Variants in UQCC1 observed in about 807,000 individuals in gnomAD.
The protein encoded by UQCC1 is bFGF-repressed Zic-binding protein.
A neutral mutation model predicts 48.0 loss-of-function variants in UQCC1; 38 were observed. The observed-to-expected ratio is 0.79, with a 90% CI of 0.61 to 1.04. The LOEUF (loss-of-function observed/expected upper bound fraction) is 1.04. Among genes scored for constraint, UQCC1 ranks in the 50% least tolerant of loss-of-function variants. The pLI is 0.00. For missense variants in UQCC1, 368 were observed against 381.8 expected (o/e 0.96, Z 0.30); for synonymous variants, 111 against 129.2 (o/e 0.86, Z 0.95).
intron 4 of UQCC1, among the ~76,000 whole-genome samples, chr20:35,378,587 G>A (rs1473738796): frequency 1.3e-5 from 2 of 152,120 alleles, no homozygotes; most frequent in African/African-American, 2.4e-5. Flanking sequence ...CCGAGATCGC[G>A]CCACTGCACT....
chr20:35,403,918 G>C (rs1476448744), intron 1 of UQCC1, among the ~76,000 whole-genome samples: 1 of 152,082 alleles, frequency 6.6e-6, no homozygotes, highest in Non-Finnish European at 1.5e-5. Context: ...TCGTGGGGTG[G>C]GGGGAGCGGG....
chr20:35,337,381 G>A (rs1026634572), intron 7 of UQCC1, among the ~76,000 whole-genome samples: 2 of 152,050 alleles, frequency 1.3e-5, no homozygotes, highest in Non-Finnish European at 2.9e-5. Flanking sequence ...TAGAGATGGG[G>A]TTTCACCATG....
At chr20:35,347,297 G>A (rs750191599) in intron 6 of UQCC1, 25 bp from the exon 7 acceptor site, 1 of 1,611,344 alleles carries the variant, frequency 6.2e-7, no homozygotes, top group Non-Finnish European at 8.5e-7. Flanking sequence ...GACAAAAAAA[G>A]TCTTGGCTGT....
intron 2 of UQCC1, chr20:35,392,319 G>A (rs1479728296): frequency 2.3e-6 from 3 of 1,297,294 alleles, no homozygotes; most frequent in African/African-American, 3.0e-5. Context: ...CAGTCGATAC[G>A]ACAAAAGGTC....
chr20:35,405,483 A>G (rs1023221578), intron 1 of UQCC1, among the ~76,000 whole-genome samples: 2 of 152,110 alleles, frequency 1.3e-5, no homozygotes, highest in Non-Finnish European at 2.9e-5. Context: ...ACACAGGGGG[A>G]AAAAATGCAA....
intron 6 of UQCC1, among the ~76,000 whole-genome samples, chr20:35,350,092 CA>C (rs113953297): frequency 4.9e-4 from 74 of 152,248 alleles, no homozygotes; most frequent in African/African-American, 1.6e-3. Context: ...CATTGAACAG[CA>C]AAATTAAAAG....
At position 35,337,425 on chromosome 20, in the gene UQCC1, G is replaced by A. The variant is rs1361384498; in HGVS notation, c.573+9739C>T. ...GCTGGTCTCAAACCCCTGACCTCAT[G>A]ATCCACTCGCCTCGGCCTCCCAAAG... is the stretch of plus-strand genomic sequence containing the variant. On this transcript the variant is annotated intron_variant, in intron 7 of 9. Coordinates refer to ENST00000374385, the MANE Select transcript of UQCC1 (RefSeq NM_018244.5). Among the ~76,000 whole-genome samples the A allele has an allele frequency of 2.0e-5, 3 of 152,236 alleles. No homozygotes were observed. The East Asian group carries it at 5.8e-4, about 29-fold the overall frequency.
At chr20:35,381,858 A>G (rs985536197) in intron 4 of UQCC1, 60 bp downstream of exon 4, 11 of 993,320 alleles carry the variant, frequency 1.1e-5, no homozygotes, top group African/African-American at 1.6e-5. Flanking sequence ...TAAAAAATCT[A>G]TTAGGAGCAG....
intron 7 of UQCC1, among the ~76,000 whole-genome samples, chr20:35,324,283 A>G (rs1204998101): frequency 6.6e-6 from 1 of 152,134 alleles, no homozygotes; most frequent in Non-Finnish European, 1.5e-5. Flanking sequence ...CAGCCTCCCA[A>G]GTAGCTGGGA....
intron 2 of UQCC1, among the ~76,000 whole-genome samples, chr20:35,392,697 G>A (rs2062027574): frequency 6.6e-6 from 1 of 152,090 alleles, no homozygotes; most frequent in Non-Finnish European, 1.5e-5. Context: ...ACTACTCTGT[G>A]CCAGGCATAG....
At position 35,318,023 on chromosome 20, in the gene UQCC1, T is replaced by C. The variant is rs569314295; in HGVS notation, c.574-3258A>G. Among the ~76,000 whole-genome samples the C allele has an allele frequency of 2.0e-5, 3 of 152,340 alleles. No individual in the cohort carries two copies. The East Asian group carries it at 5.8e-4, about 29-fold the overall frequency. On this transcript the variant is annotated intron_variant, in intron 7 of 9. Coordinates refer to ENST00000374385, the MANE Select transcript of UQCC1 (RefSeq NM_018244.5). ...AACTCAGACCTCCTGATACCCATAC[T>C]TGGAGGATCTCCCTACTCCCACATG... is the stretch of plus-strand genomic sequence containing the variant.
intron 6 of UQCC1, among the ~76,000 whole-genome samples, chr20:35,365,589 G>A (rs930307405): frequency 1.3e-4 from 20 of 151,320 alleles, no homozygotes; most frequent in African/African-American, 1.9e-4. Context: ...CCTGGGAGAC[G>A]GAGGTTGTAG....
intron 7 of UQCC1, among the ~76,000 whole-genome samples, chr20:35,324,540 A>C (rs1268065364): frequency 6.6e-6 from 1 of 152,036 alleles, no homozygotes; most frequent in Non-Finnish European, 1.5e-5. Context: ...GTTAGCCAGG[A>C]TGGTCTCGAT....
chr20:35,402,455 G>A (rs1032794044), intron 1 of UQCC1, among the ~76,000 whole-genome samples: 10 of 152,020 alleles, frequency 6.6e-5, no homozygotes, highest in Admixed American at 6.6e-4. Context: ...GTGGGCGCCT[G>A]TAGTCCCAGC....
intron 1 of UQCC1, among the ~76,000 whole-genome samples, chr20:35,408,267 A>C (rs1331121024): frequency 6.6e-6 from 1 of 151,972 alleles, no homozygotes; most frequent in Admixed American, 6.6e-5. Context: ...CCTCTCTACT[A>C]AAAATTTAAA....
intron 2 of UQCC1, among the ~76,000 whole-genome samples, chr20:35,393,211 A>C (rs755577261): frequency 2.0e-5 from 3 of 152,166 alleles, no homozygotes; most frequent in Admixed American, 6.6e-5. Context: ...CTTCCTAGGA[A>C]TTATTAATAA....
At chr20:35,337,963 C>G (rs372507362) in intron 7 of UQCC1, among the ~76,000 whole-genome samples, 1 of 151,714 alleles carries the variant, frequency 6.6e-6, no homozygotes, top group Non-Finnish European at 1.5e-5. Context: ...CAGTATAATA[C>G]CGCCTTTGTT....
chr20:35,397,842 T>C (rs1382247998), intron 1 of UQCC1, among the ~76,000 whole-genome samples: 3 of 152,200 alleles, frequency 2.0e-5, no homozygotes, highest in Admixed American at 2.0e-4. Flanking sequence ...TAGTTTAAAT[T>C]CAGCTACTCT....
chr20:35,411,052 A>C (rs890433396), intron 1 of UQCC1, among the ~76,000 whole-genome samples: 1 of 152,176 alleles, frequency 6.6e-6, no homozygotes, highest in Non-Finnish European at 1.5e-5. Flanking sequence ...AGTTACCTAG[A>C]CACAGGAATA....
Sources: allele counts gnomAD v4.1 joint callset (sites outside exome capture counted in the v4.1 genomes callset), GRCh38; gene constraint gnomAD v4.1.1; transcripts MANE v1.5; gene names NCBI Gene and HGNC (gene_info 2026-07-23, HGNC 2026-07-21).